The following KIAA1217 variants were observed in gnomAD, a reference collection of about 807,000 sequenced individuals.
KIAA1217 encodes sickle tail protein homolog.
In KIAA1217, 88 loss-of-function variants were observed where a neutral mutation model predicts 163.9. The observed-to-expected ratio is 0.54, with a 90% CI of 0.45 to 0.64. The LOEUF is 0.64. Among genes scored for constraint, KIAA1217 ranks in the 30% least tolerant of loss-of-function variants. The pLI is 0.00. For synonymous variants in KIAA1217, 903 were observed against 923.1 expected, an observed-to-expected ratio of 0.98 and a Z score of 0.39; for missense variants, 2,372 against 2,475.0, an observed-to-expected ratio of 0.96 and a Z score of 0.88.
intron 2 of KIAA1217, among the ~76,000 whole-genome samples, chr10:24,056,860 T>C (rs1201618147): frequency 1.3e-5 from 2 of 152,202 alleles, no homozygotes; most frequent in East Asian, 3.8e-4. Flanking sequence ...TATTGAACTG[T>C]GGTATTTTAA....
At chr10:24,368,666 T>C (rs1044334508) in intron 2 of KIAA1217, among the ~76,000 whole-genome samples, 4 of 152,278 alleles carry the variant, frequency 2.6e-5, no homozygotes, top group South Asian at 4.1e-4. Context: ...TGTTTTGAAA[T>C]TGGATGTAAC....
intron 2 of KIAA1217, among the ~76,000 whole-genome samples, chr10:24,266,350 A>G (rs770492115): frequency 1.3e-5 from 2 of 152,158 alleles, no homozygotes; most frequent in African/African-American, 2.4e-5. Flanking sequence ...AAGTTCTGCA[A>G]TTACAGGCGT....
intron 1 of KIAA1217, among the ~76,000 whole-genome samples, chr10:23,898,381 A>G (rs999853672): frequency 2.0e-5 from 3 of 151,826 alleles, no homozygotes; most frequent in African/African-American, 4.8e-5. Context: ...CTAACACCCA[A>G]TTGAAAGGTT....
At chr10:23,886,334 C>T (rs1841173594) in intron 1 of KIAA1217, among the ~76,000 whole-genome samples, 1 of 151,896 alleles carries the variant, frequency 6.6e-6, no homozygotes, top group Admixed American at 6.6e-5. Context: ...GTCTCATGTT[C>T]ATTCAAAAGG....
At chr10:24,376,960 A>G (rs990545042) in intron 2 of KIAA1217, among the ~76,000 whole-genome samples, 1 of 152,204 alleles carries the variant, frequency 6.6e-6, no homozygotes, top group East Asian at 1.9e-4. Context: ...TACTTGATAC[A>G]GAGCAGCAGG....
At chr10:23,921,460 T>C (rs1019665799) in intron 1 of KIAA1217, among the ~76,000 whole-genome samples, 1 of 152,180 alleles carries the variant, frequency 6.6e-6, no homozygotes, top group African/African-American at 2.4e-5. Flanking sequence ...CCTTCTCTCA[T>C]GGTTGGTGTT....
intron 2 of KIAA1217, among the ~76,000 whole-genome samples, chr10:24,278,036 T>G (rs1471021296): frequency 6.6e-6 from 1 of 152,220 alleles, no homozygotes; most frequent in Non-Finnish European, 1.5e-5. Context: ...TCTGTGCAGC[T>G]CGAGGACGCC....
chr10:23,786,066 T>A (rs1196892568), intron 1 of KIAA1217, among the ~76,000 whole-genome samples: 1 of 152,080 alleles, frequency 6.6e-6, no homozygotes, highest in Non-Finnish European at 1.5e-5. Flanking sequence ...CTACATAAAA[T>A]TACAAGGCAA....
At chr10:24,162,456 G>A (rs1258314818) in intron 2 of KIAA1217, among the ~76,000 whole-genome samples, 3 of 152,202 alleles carry the variant, frequency 2.0e-5, no homozygotes, top group Non-Finnish European at 1.5e-5. Context: ...CTTCATCCCT[G>A]TGGCAGAGCC....
At chr10:24,392,078 GAATT>G in intron 3 of KIAA1217, among the ~76,000 whole-genome samples, 1 of 152,208 alleles carries the variant, frequency 6.6e-6, no homozygotes, top group Non-Finnish European at 1.5e-5. Context: ...ATTAAAATAA[GAATT>G]AATACAAGTA....
intron 6 of KIAA1217, among the ~76,000 whole-genome samples, chr10:24,489,788 CG>C (rs1274958927): frequency 2.3e-5 from 3 of 131,476 alleles, no homozygotes; most frequent in Non-Finnish European, 4.6e-5. Context: ...CTCTTGAGCT[CG>C]GTGAGTTGAG....
chr10:24,030,293 G>A (rs907429947), intron 2 of KIAA1217, among the ~76,000 whole-genome samples: 10 of 152,060 alleles, frequency 6.6e-5, no homozygotes, highest in African/African-American at 2.4e-4. Context: ...TCGAGGGAGG[G>A]TCTTGATGGT....
intron 2 of KIAA1217, among the ~76,000 whole-genome samples, chr10:24,074,896 G>C (rs1376556332): frequency 1.3e-5 from 2 of 151,774 alleles, no homozygotes; most frequent in Non-Finnish European, 2.9e-5. Context: ...ATGGGGTTTT[G>C]CCATGTTGTC....
At position 24,498,092 on chromosome 10, in the gene KIAA1217, C is replaced by T. The variant is rs78212820; in HGVS notation, c.1834+2896C>T. On this transcript the variant is annotated intron_variant, in intron 8 of 20. Coordinates refer to ENST00000376454, the MANE Select transcript of KIAA1217 (RefSeq NM_019590.5). ...GAAAAGTTCAGTAGTGGCGTGAAGG[C>T]GTTAGTATGTGGATCTGAAGATGAT... Among the ~76,000 whole-genome samples the T allele has an allele frequency of 3.1e-3, 471 of 151,826 alleles. 1 individual carries two copies. The highest frequency in any genetic ancestry group is 5.9e-3 in the Non-Finnish European group (399 of 67,970).
intron 2 of KIAA1217, among the ~76,000 whole-genome samples, chr10:24,265,631 T>G (rs1379385590): frequency 6.6e-6 from 1 of 152,154 alleles, no homozygotes; most frequent in Admixed American, 6.5e-5. Context: ...CCCATCTTCA[T>G]GTGGACATTT....
intron 2 of KIAA1217, among the ~76,000 whole-genome samples, chr10:24,305,119 CG>C (rs1184938907): frequency 6.6e-6 from 1 of 152,094 alleles, no homozygotes; most frequent in Non-Finnish European, 1.5e-5. Context: ...TTTAGTGTGA[CG>C]TGTGTTTATA....
intron 2 of KIAA1217, among the ~76,000 whole-genome samples, chr10:24,281,779 G>A (rs564756451): frequency 6.6e-6 from 1 of 151,942 alleles, no homozygotes; most frequent in East Asian, 1.9e-4. Context: ...AACAATAATC[G>A]GCCGGGCTCG....
intron 1 of KIAA1217, among the ~76,000 whole-genome samples, chr10:23,712,839 CGTGTTTCTTATT>C (rs2130739802): frequency 6.6e-6 from 1 of 152,082 alleles, no homozygotes; most frequent in East Asian, 1.9e-4. Flanking sequence ...TTTACTATGC[CGTGTTTCTTATT>C]GCTCTCAATC....
intron 1 of KIAA1217, among the ~76,000 whole-genome samples, chr10:23,866,578 A>G (rs1346529361): frequency 6.6e-6 from 1 of 151,874 alleles, no homozygotes; most frequent in East Asian, 2.0e-4. Flanking sequence ...TCCCAGGCTT[A>G]TCTCCCCCTC....
Sources: gnomAD v4.1 joint callset for allele counts (sites outside exome capture counted in the v4.1 genomes callset) on GRCh38, gnomAD v4.1.1 for gene constraint, MANE v1.5 for transcripts, NCBI Gene and HGNC (gene_info 2026-07-23, HGNC 2026-07-21) for gene names.